Variants in LINC00632 observed in about 807,000 individuals in gnomAD.
LINC00632 encodes the protein ALDOA related specific transcript.
chrX:140,775,855 T>C (rs1315686686), exon 5 of LINC00632, among the ~76,000 whole-genome samples: 2 of 110,844 alleles, frequency 1.8e-5, no homozygotes, highest in African/African-American at 6.6e-5. Flanking sequence ...ACGTTGAAAT[T>C]TGGCATGAGG....
At chrX:140,767,735 G>A (rs989532908) in intron 3 of LINC00632, among the ~76,000 whole-genome samples, 1 of 111,711 alleles carries the variant, frequency 9.0e-6, no homozygotes, top group African/African-American at 3.3e-5. Flanking sequence ...AGAGGAGAGG[G>A]GATTTATTAG....
At chrX:140,783,660 G>A (rs1454002479) in exon 5 of LINC00632, 2 of 1,210,096 alleles carry the variant, frequency 1.7e-6, no homozygotes, top group African/African-American at 3.5e-5. Context: ...AGAAATCCAG[G>A]TCTTCCAGTC....
chrX:140,774,855 C>T (rs922356769), exon 5 of LINC00632, among the ~76,000 whole-genome samples: 3 of 111,264 alleles, frequency 2.7e-5, no homozygotes, highest in Admixed American at 9.6e-5. Context: ...CTGAGAGTTT[C>T]GGGAACTCAA....
chrX:140,773,128 C>T (rs1017873719), exon 4 of LINC00632, among the ~76,000 whole-genome samples: 6 of 110,342 alleles, frequency 5.4e-5, no homozygotes, highest in African/African-American at 1.3e-4. Context: ...ATCGTGCCAT[C>T]GCACTCCAGC....
exon 5 of LINC00632, among the ~76,000 whole-genome samples, chrX:140,774,989 T>C (rs779529775): frequency 4.5e-5 from 5 of 111,979 alleles, no homozygotes; most frequent in Non-Finnish European, 7.5e-5. Flanking sequence ...ATTAGTTTGG[T>C]ATAAGTTAAA....
chrX:140,780,250 T>C (rs911648270), exon 5 of LINC00632, among the ~76,000 whole-genome samples: 3 of 111,928 alleles, frequency 2.7e-5, no homozygotes, highest in African/African-American at 9.7e-5. Flanking sequence ...ATATGAGAGT[T>C]TGCGCCTATC....
At chrX:140,754,841 GT>G (rs11401571) in intron 3 of LINC00632, among the ~76,000 whole-genome samples, 176 of 104,921 alleles carry the variant, frequency 1.7e-3, no homozygotes, top group Admixed American at 3.0e-3. Context: ...AGCATAGGCT[GT>G]TTTTTTTTTA....
chrX:140,758,204 G>A (rs1931525564), intron 3 of LINC00632, among the ~76,000 whole-genome samples: 1 of 110,596 alleles, frequency 9.0e-6, no homozygotes, highest in Non-Finnish European at 1.9e-5. Context: ...ACCAGGTGCT[G>A]TAATTATTTT....
At chrX:140,722,274 G>A (rs1022388715) in intron 2 of LINC00632, among the ~76,000 whole-genome samples, 2 of 107,813 alleles carry the variant, frequency 1.9e-5, no homozygotes, top group South Asian at 4.1e-4. Context: ...CACACAACAC[G>A]CACACTGTCC....
chrX:140,730,918 T>G (rs1189104977), intron 2 of LINC00632, among the ~76,000 whole-genome samples: 2 of 110,684 alleles, frequency 1.8e-5, no homozygotes, highest in African/African-American at 6.6e-5. Context: ...CTTTTTTTTT[T>G]TGAGATGGAG....
At chrX:140,762,005 A>G (rs751174776) in intron 3 of LINC00632, among the ~76,000 whole-genome samples, 3 of 111,838 alleles carry the variant, frequency 2.7e-5, no homozygotes, top group Non-Finnish European at 5.6e-5. Flanking sequence ...GCCAATGTTT[A>G]CACTCAGTTT....
At position 140,771,679 on chromosome X, in the gene LINC00632, A is replaced by AT. The variant is rs1208342979; in HGVS notation, n.192-398dup. 4.6e-3 allele frequency among the ~76,000 whole-genome samples: 264 copies of AT among 56,937 alleles called. 5 individuals carry two copies. The highest frequency in any genetic ancestry group is 0.02 in the East Asian group (44 of 2,237). The allele number at this position is 56,937 out of a possible 115,157, so 49.4% of individuals were successfully genotyped here. A position where few individuals can be genotyped will look rare whatever the true frequency, so the allele number is the denominator to read the frequency against. ...TGTGTGTGTGTGTATATATATATAT[A>AT]TATATATTTTTTTTTTTTGAGACGG... On this transcript the variant is annotated intron_variant and non_coding_transcript_variant, in intron 3 of 4. Coordinates refer to ENST00000648200, the Ensembl canonical transcript of LINC00632.
exon 5 of LINC00632, among the ~76,000 whole-genome samples, chrX:140,789,827 C>T (rs1932080893): frequency 9.0e-6 from 1 of 110,607 alleles, no homozygotes; most frequent in South Asian, 3.8e-4. Flanking sequence ...ATTTGTAGAT[C>T]TCTGGATATT....
intron 3 of LINC00632, among the ~76,000 whole-genome samples, chrX:140,759,359 T>C (rs1368481058): frequency 9.9e-6 from 1 of 100,896 alleles, no homozygotes; most frequent in Non-Finnish European, 2.0e-5. Flanking sequence ...CTTTCTTTCT[T>C]TCTTTCTTTT....
intron 2 of LINC00632, among the ~76,000 whole-genome samples, chrX:140,718,507 G>T: frequency 9.3e-6 from 1 of 107,959 alleles, no homozygotes; most frequent in East Asian, 3.0e-4. Flanking sequence ...CCGCATCCTG[G>T]GTTCAAGCAA....
At chrX:140,773,668 T>G (rs937649195) in exon 4 of LINC00632, among the ~76,000 whole-genome samples, 1 of 111,833 alleles carries the variant, frequency 8.9e-6, no homozygotes, top group African/African-American at 3.3e-5. Context: ...GAAAAAAAAA[T>G]CTTGACTTCA....
At chrX:140,763,614 A>G (rs1460482785) in intron 3 of LINC00632, among the ~76,000 whole-genome samples, 1 of 111,266 alleles carries the variant, frequency 9.0e-6, no homozygotes, top group East Asian at 2.8e-4. Context: ...TTAAGGCCTT[A>G]ATAAATGAAG....
intron 2 of LINC00632, among the ~76,000 whole-genome samples, chrX:140,718,042 A>C (rs1930664294): frequency 1.8e-5 from 2 of 110,870 alleles, no homozygotes; most frequent in Non-Finnish European, 3.8e-5. Flanking sequence ...AGGCCGAGGC[A>C]GGAGAATCGC....
intron 2 of LINC00632, chrX:140,712,019 T>G (rs1256919699): frequency 1.8e-5 from 2 of 111,393 alleles, no homozygotes; most frequent in East Asian, 5.6e-4. Flanking sequence ...CATCACTTAT[T>G]GAATAATCCA....
Sources: allele counts gnomAD v4.1 joint callset (sites outside exome capture counted in the v4.1 genomes callset), GRCh38; gene constraint gnomAD v4.1.1; transcripts MANE v1.5; gene names NCBI Gene and HGNC (gene_info 2026-07-23, HGNC 2026-07-21).